Variants in ME1 observed in about 807,000 individuals in gnomAD.
The protein encoded by ME1 is malic enzyme 1.
ME1 carries 74 observed loss-of-function variants against 66.4 expected under a neutral mutation model. That is an observed-to-expected ratio of 1.11 (90% confidence interval 0.92 to 1.35). The LOEUF (loss-of-function observed/expected upper bound fraction) is 1.35. Ranked by LOEUF, ME1 falls within the 40% of genes most tolerant of loss-of-function variation. The pLI, the probability that ME1 is intolerant of heterozygous loss-of-function variation, is 0.00. For missense variants in ME1, 750 were observed against 694.1 expected, an observed-to-expected ratio of 1.08 and a Z score of -0.90; for synonymous variants, 251 against 235.6, an observed-to-expected ratio of 1.07 and a Z score of -0.60.
chr6:83,332,933 T>C (rs1307530005), intron 5 of ME1, among the ~76,000 whole-genome samples: 1 of 152,170 alleles, frequency 6.6e-6, no homozygotes, highest in Non-Finnish European at 1.5e-5. Flanking sequence ...AAAATAAGAA[T>C]ATTTTTTAGC....
intron 1 of ME1, among the ~76,000 whole-genome samples, chr6:83,419,326 A>C (rs556083021): frequency 6.6e-6 from 1 of 152,322 alleles, no homozygotes; most frequent in South Asian, 2.1e-4. Context: ...CTACCAGGCA[A>C]ATCATAGATG....
At chr6:83,417,795 T>G (rs890074594) in intron 1 of ME1, among the ~76,000 whole-genome samples, 1 of 152,222 alleles carries the variant, frequency 6.6e-6, no homozygotes, top group African/African-American at 2.4e-5. Context: ...ATATATTATC[T>G]TGCTATATGA....
At chr6:83,349,315 C>CT (rs1768753767) in intron 4 of ME1, among the ~76,000 whole-genome samples, 1 of 152,064 alleles carries the variant, frequency 6.6e-6, no homozygotes, top group South Asian at 2.1e-4. Flanking sequence ...TATTCTCTTG[C>CT]TTTTTTTAAC....
intron 6 of ME1, among the ~76,000 whole-genome samples, chr6:83,286,103 C>T (rs929943912): frequency 2.6e-5 from 4 of 152,110 alleles, no homozygotes; most frequent in African/African-American, 7.2e-5. Flanking sequence ...ACAGGAGTGT[C>T]GTGCACTGAT....
intron 5 of ME1, among the ~76,000 whole-genome samples, chr6:83,321,692 A>C (rs1363974694): frequency 6.6e-6 from 1 of 152,168 alleles, no homozygotes; most frequent in Non-Finnish European, 1.5e-5. Flanking sequence ...CTGGGACAGA[A>C]CACCTGAGGC....
intron 3 of ME1, 55 bp from the exon 4 acceptor site, chr6:83,352,194 A>C (rs1768816282): frequency 8.8e-7 from 1 of 1,140,782 alleles, no homozygotes; most frequent in Non-Finnish European, 1.2e-6. Flanking sequence ...AGGCCTGTCA[A>C]ACTACCATGA....
intron 4 of ME1, among the ~76,000 whole-genome samples, chr6:83,348,705 G>A (rs909499100): frequency 2.7e-5 from 4 of 150,552 alleles, no homozygotes; most frequent in Non-Finnish European, 5.9e-5. Flanking sequence ...AAAAAAGTGG[G>A]CCAATTGCAG....
intron 3 of ME1, among the ~76,000 whole-genome samples, chr6:83,389,251 AG>A (rs1233129195): frequency 6.6e-6 from 1 of 152,226 alleles, no homozygotes; most frequent in African/African-American, 2.4e-5. Flanking sequence ...GGAGAAATAA[AG>A]ATTATATGAA....
In ME1 at chr6:83,315,482, T is replaced by C; in HGVS notation, c.601-69A>G. On this transcript the variant is annotated intron_variant, in intron 5 of 13. Coordinates refer to ENST00000369705, the MANE Select transcript of ME1 (RefSeq NM_002395.6). ...AATCATTTATTGAGCCTCAGTTTCT[T>C]CATCTGTATAAAAGGGACAAAAATA... 3.2e-6 allele frequency: 3 copies of C among 925,492 alleles called. No individual in the cohort carries two copies. The South Asian group carries it at 4.3e-5, about 13-fold the overall frequency. 57.3% of individuals were successfully genotyped at this position (925,492 alleles called of 1,614,324 possible). A position where few individuals can be genotyped will look rare whatever the true frequency, so the allele number is the denominator to read the frequency against.
At chr6:83,231,868 A>G (rs531692169) in intron 9 of ME1, among the ~76,000 whole-genome samples, 3 of 151,986 alleles carry the variant, frequency 2.0e-5, no homozygotes, top group African/African-American at 7.2e-5. Flanking sequence ...GTCTCTAATT[A>G]CCTCAAACAT....
At chr6:83,405,718 TG>T (rs1479781269) in intron 2 of ME1, among the ~76,000 whole-genome samples, 4 of 147,998 alleles carry the variant, frequency 2.7e-5, no homozygotes, top group Admixed American at 6.7e-5. Context: ...TTGTTGTTGT[TG>T]TTGTTTTTTT....
At chr6:83,393,134 C>A in intron 3 of ME1, 2 of 1,366,672 alleles carry the variant, frequency 1.5e-6, no homozygotes, top group Non-Finnish European at 1.0e-6. Flanking sequence ...CAGTGGTGGA[C>A]CTGACCTGCC....
chr6:83,237,990 C>A (rs1436477191), intron 8 of ME1, among the ~76,000 whole-genome samples, 160 bp from the exon 9 acceptor site: 1 of 152,126 alleles, frequency 6.6e-6, no homozygotes, highest in African/African-American at 2.4e-5. Context: ...TACAACAGAG[C>A]CACTATTATG....
intron 3 of ME1, among the ~76,000 whole-genome samples, chr6:83,388,053 T>TTTTTCTTTCCTTTCTTCC (rs1163444173): frequency 6.6e-6 from 1 of 151,958 alleles, no homozygotes; most frequent in Non-Finnish European, 1.5e-5. Flanking sequence ...CTTTCTTTTC[T>TTTTTCTTTCCTTTCTTCC]TTTTCTTTCC....
chr6:83,272,612 G>A (rs373109454), intron 6 of ME1, among the ~76,000 whole-genome samples: 5 of 151,962 alleles, frequency 3.3e-5, no homozygotes, highest in East Asian at 3.9e-4. Context: ...TTTCTTTTAC[G>A]GGTGATTGGA....
intron 9 of ME1, among the ~76,000 whole-genome samples, chr6:83,230,270 G>A (rs1446299724): frequency 4.6e-5 from 7 of 151,948 alleles, no homozygotes; most frequent in Non-Finnish European, 5.9e-5. Flanking sequence ...TCCGCCTCCC[G>A]GGTTAAAGCT....
At chr6:83,430,246 C>T (rs1770459980) in intron 1 of ME1, among the ~76,000 whole-genome samples, 1 of 152,116 alleles carries the variant, frequency 6.6e-6, no homozygotes, top group African/African-American at 2.4e-5. Context: ...ACCCACAGTC[C>T]CATGTCTGGG....
intron 7 of ME1, among the ~76,000 whole-genome samples, chr6:83,248,621 A>C (rs1180200): frequency 0.42 from 64,044 of 151,816 alleles, 13,821 homozygotes; most frequent in Middle Eastern, 0.55. Context: ...TTTACCCATG[A>C]TGTTCTTGTG....
At chr6:83,237,868 CATG>C in intron 8 of ME1, 38 bp from the exon 9 acceptor site, 1 of 1,116,304 alleles carries the variant, frequency 9.0e-7, no homozygotes, top group Non-Finnish European at 1.3e-6. Context: ...AGTTGTTCTA[CATG>C]ATATCTTATT....
Sources: allele counts gnomAD v4.1 joint callset (sites outside exome capture counted in the v4.1 genomes callset), GRCh38; gene constraint gnomAD v4.1.1; transcripts MANE v1.5; gene names NCBI Gene and HGNC (gene_info 2026-07-23, HGNC 2026-07-21).